Variants in XNDC1N observed in about 807,000 individuals in gnomAD.
The protein encoded by XNDC1N is protein XNDC1N.
At chr11:71,907,352 G>A in the XNDC1N span, among the ~76,000 whole-genome samples, 6 of 151,324 alleles carry the variant, frequency 4.0e-5, no homozygotes, top group South Asian at 4.2e-4. Context: ...GGGGTGAGGC[G>A]CCCCCCGCGA....
At chr11:71,892,370 G>A in the XNDC1N span, among the ~76,000 whole-genome samples, 6 of 152,116 alleles carry the variant, frequency 3.9e-5, no homozygotes, top group East Asian at 3.9e-4. Flanking sequence ...ATCAGGAGTC[G>A]TATCTCTGTA....
the XNDC1N span, chr11:71,917,899 T>C: frequency 4.9e-6 from 3 of 616,870 alleles, no homozygotes; most frequent in Admixed American, 2.6e-5. Context: ...TTCAGCGATA[T>C]GTGGAGTCCC....
At chr11:71,897,649 T>C in the XNDC1N span, among the ~76,000 whole-genome samples, 3 of 152,212 alleles carry the variant, frequency 2.0e-5, no homozygotes, top group African/African-American at 7.2e-5. Context: ...GAAAATAGTA[T>C]GGCGTGTACT....
At chr11:71,909,045 CTG>C in the XNDC1N span, among the ~76,000 whole-genome samples, 70 of 152,312 alleles carry the variant, frequency 4.6e-4, no homozygotes, top group Admixed American at 3.1e-3. Context: ...CTACCAGAGA[CTG>C]TGTGAGGTCT....
the XNDC1N span, among the ~76,000 whole-genome samples, chr11:71,915,167 G>A: frequency 6.6e-6 from 1 of 152,162 alleles, no homozygotes; most frequent in Non-Finnish European, 1.5e-5. Context: ...ACGACTCGCT[G>A]GCCGGGCACG....
the XNDC1N span, among the ~76,000 whole-genome samples, chr11:71,919,927 CTCTTTTTTTTTTTTTTT>C: frequency 2.9e-3 from 197 of 67,260 alleles, 5 homozygotes; most frequent in African/African-American, 9.2e-3. Context: ...AAAAGCAGGC[CTCTTTTTTTTTTTTTTT>C]TTTTTTTTTT....
the XNDC1N span, among the ~76,000 whole-genome samples, chr11:71,909,721 T>A: frequency 6.6e-6 from 1 of 152,162 alleles, no homozygotes; most frequent in Non-Finnish European, 1.5e-5. Flanking sequence ...AAAGCTAGCT[T>A]TCTGCTTGTC....
At chr11:71,919,612 T>C in the XNDC1N span, among the ~76,000 whole-genome samples, 2,330 of 14,676 alleles carry the variant, frequency 0.16, 80 homozygotes, top group African/African-American at 0.22. Context: ...TTGGTTTTTT[T>C]TTTTGTTTGT....
At chr11:71,901,132 C>G in the XNDC1N span, among the ~76,000 whole-genome samples, 2 of 152,288 alleles carry the variant, frequency 1.3e-5, no homozygotes, top group East Asian at 3.9e-4. Context: ...GGCACAGGAT[C>G]ATTCGGGGCG....
At chr11:71,874,176 G>T in the XNDC1N span, among the ~76,000 whole-genome samples, 1 of 152,124 alleles carries the variant, frequency 6.6e-6, no homozygotes, top group Non-Finnish European at 1.5e-5. Flanking sequence ...AAAATTAGCT[G>T]AGAATTGGTA....
chr11:71,901,992 G>A, the XNDC1N span, among the ~76,000 whole-genome samples: 4 of 152,066 alleles, frequency 2.6e-5, no homozygotes, highest in African/African-American at 9.7e-5. Flanking sequence ...AGGACATTTT[G>A]TTTTGTCCTT....
chr11:71,887,978 C>T, the XNDC1N span, among the ~76,000 whole-genome samples: 7 of 152,296 alleles, frequency 4.6e-5, no homozygotes, highest in South Asian at 6.2e-4. Context: ...TTGGACCGGG[C>T]TTCCCCAAGG....
At chr11:71,920,826 A>AAATTTCTT in the XNDC1N span, among the ~76,000 whole-genome samples, 1 of 152,090 alleles carries the variant, frequency 6.6e-6, no homozygotes, top group Admixed American at 6.5e-5. Flanking sequence ...CTCTGGGTCA[A>AAATTTCTT]AATTTCTTTC....
the XNDC1N span, among the ~76,000 whole-genome samples, chr11:71,868,679 T>C: frequency 1.8e-4 from 27 of 152,312 alleles, no homozygotes; most frequent in East Asian, 5.0e-3. Flanking sequence ...CCTTTGTGGG[T>C]TACCTGCTCC....
the XNDC1N span, among the ~76,000 whole-genome samples, chr11:71,877,843 G>C: frequency 6.6e-6 from 1 of 152,108 alleles, no homozygotes; most frequent in Non-Finnish European, 1.5e-5. Flanking sequence ...GGTTCCCTAA[G>C]GCCCACTCTT....
chr11:71,872,354 ATAAC>A, the XNDC1N span, among the ~76,000 whole-genome samples: 1 of 152,230 alleles, frequency 6.6e-6, no homozygotes. Context: ...TTATGCAACA[ATAAC>A]TAATACACTA....
the XNDC1N span, among the ~76,000 whole-genome samples, chr11:71,911,705 G>A: frequency 2.0e-5 from 3 of 152,200 alleles, no homozygotes; most frequent in Non-Finnish European, 4.4e-5. Context: ...AACTCTGGGG[G>A]AAAAGGCACA....
At chr11:71,927,158 G>A in the XNDC1N span, among the ~76,000 whole-genome samples, 1 of 151,944 alleles carries the variant, frequency 6.6e-6, no homozygotes, top group Non-Finnish European at 1.5e-5. Context: ...TGAGGTGGGA[G>A]AATTGCTTGA....
chr11:71,884,619 T>C, the XNDC1N span: 1 of 1,540,716 alleles, frequency 6.5e-7, no homozygotes, highest in Non-Finnish European at 8.8e-7. Flanking sequence ...TAAACTCTCT[T>C]ATCTATGAAT....
Sources: allele counts gnomAD v4.1 joint callset (sites outside exome capture counted in the v4.1 genomes callset), GRCh38; gene constraint gnomAD v4.1.1; transcripts MANE v1.5; gene names NCBI Gene and HGNC (gene_info 2026-07-23, HGNC 2026-07-21).